BEST3: variants seen among roughly 807,000 people sequenced by gnomAD.
BEST3 encodes the protein bestrophin 3.
BEST3 carries 50 observed loss-of-function variants against 47.1 expected under a neutral mutation model. That is an observed-to-expected ratio of 1.06 (90% confidence interval 0.85 to 1.34). The LOEUF is 1.34. Among genes scored for constraint, BEST3 ranks in the 40% most tolerant of loss-of-function variants. The pLI, the probability that BEST3 is intolerant of heterozygous loss-of-function variation, is 0.00. For synonymous variants in BEST3, 282 were observed against 298.8 expected (o/e 0.94, Z 0.58); for missense variants, 765 against 817.0 (o/e 0.94, Z 0.78).
intron 4 of BEST3, among the ~76,000 whole-genome samples, chr12:69,686,519 A>G (rs903153960): frequency 1.3e-5 from 2 of 152,182 alleles, no homozygotes; most frequent in African/African-American, 4.8e-5. Context: ...TCACGCCTGT[A>G]ATCCCAGTAA....
intron 4 of BEST3, among the ~76,000 whole-genome samples, chr12:69,692,509 C>T (rs569595070): frequency 3.3e-5 from 5 of 152,334 alleles, no homozygotes; most frequent in African/African-American, 9.6e-5. Flanking sequence ...TGTCACCTCT[C>T]AGTGTCTGCC....
chr12:69,676,960 T>C lies in BEST3; in HGVS notation c.823A>G (p.Ile275Val), dbSNP rs1884961201. The change falls in exon 7 of 10, where the codon ATC becomes GTC. Residue 275 changes from isoleucine (I) to valine (V), a missense_variant. Physicochemically the swap from Ile to Val is conservative, Grantham distance 29. Coordinates refer to ENST00000330891, the MANE Select transcript of BEST3 (RefSeq NM_032735.3). ...AGHDLDLYIP[I>V]FTLLQFFFYA... is the part of the protein sequence containing the mutation. ...AAGAAGAATTGTAGGAGGGTGAAGA[T>C]GGGAATGTAAAGATCCAAGTCATGC... is the stretch of plus-strand genomic sequence containing the variant. The C allele has an allele frequency of 2.5e-6, 4 of 1,614,042 alleles. No individual in the cohort carries two copies. Among genetic ancestry groups the C allele is most frequent in the Middle Eastern group, 1.7e-4 (1 of 6,052 alleles).
chr12:69,679,874 A>G (rs1355725534), intron 4 of BEST3, among the ~76,000 whole-genome samples: 1 of 150,280 alleles, frequency 6.7e-6, no homozygotes, highest in Non-Finnish European at 1.5e-5. Flanking sequence ...CCCCAAAAAA[A>G]GGGTTTCTTG....
Position 69,654,476 on chromosome 12 carries a change from C to T in BEST3, c.*431G>A, listed in dbSNP as rs1169804080. ...AGGCATTAGGTGATCCATCTCCTTT[C>T]TTTATGGCTAAAGAAAAAAAGAAAG... is the stretch of plus-strand genomic sequence containing the variant. On this transcript the variant is annotated 3_prime_UTR_variant, in exon 10 of 10. Transcript: ENST00000330891. 2 of 987,976 alleles carry T rather than the reference C, an allele frequency of 2.0e-6. No homozygotes were observed. The highest frequency in any genetic ancestry group is 2.4e-6 in the Non-Finnish European group (2 of 831,782). The allele number at this position is 987,976 out of a possible 1,614,324, so 61.2% of individuals were successfully genotyped here. A position where few individuals can be genotyped will look rare whatever the true frequency, so the allele number is the denominator to read the frequency against.
Position 69,699,060 on chromosome 12 carries a change from C to T in BEST3, c.-16+145G>A, listed in dbSNP as rs371810946. 8.6e-5 allele frequency: 31 copies of T among 360,670 alleles called. No individual in the cohort carries two copies. In the East Asian group the frequency reaches 1.8e-3, roughly 21 times the overall value. 22.3% of individuals were successfully genotyped at this position (360,670 alleles called of 1,614,324 possible). ...TTCATAATTTGTTCTCATGGACTCC[C>T]GGTAGTTTTAAATAACAGTCCTTAA... On this transcript the variant is annotated intron_variant, in intron 1 of 9. Coordinates refer to ENST00000330891, the MANE Select transcript of BEST3 (RefSeq NM_032735.3).
At chr12:69,663,700 A>G (rs952445674) in intron 9 of BEST3, among the ~76,000 whole-genome samples, 1 of 152,138 alleles carries the variant, frequency 6.6e-6, no homozygotes, top group Non-Finnish European at 1.5e-5. Flanking sequence ...ATGCACTTGT[A>G]GTCCCAGCTA....
At position 69,697,509 on chromosome 12, in the gene BEST3, A is replaced by C. The variant is rs1014473513; in HGVS notation, c.152+138T>G. ...GTGGATTAAAATCTGTCCTGAGGGGAAGAAGACAAATGAGAGGCTCACGCA... is the reference window on the plus strand; with the variant it reads ...GTGGATTAAAATCTGTCCTGAGGGGCAGAAGACAAATGAGAGGCTCACGCA... On this transcript the variant is annotated intron_variant, in intron 2 of 9. Coordinates refer to ENST00000330891, the MANE Select transcript of BEST3 (RefSeq NM_032735.3). 9.8e-6 allele frequency: 6 copies of C among 614,156 alleles called. No homozygotes were observed. In the Admixed American group the frequency reaches 1.0e-4, roughly 11 times the overall value. 38.0% of individuals were successfully genotyped at this position (614,156 alleles called of 1,614,324 possible).
chr12:69,676,517 A>T (rs1407954755), intron 7 of BEST3, among the ~76,000 whole-genome samples: 1 of 152,088 alleles, frequency 6.6e-6, no homozygotes, highest in Non-Finnish European at 1.5e-5. Context: ...CAGAACCAAG[A>T]TTCTACTACA....
chr12:69,697,630 C>A lies in BEST3; in HGVS notation c.152+17G>T. On this transcript the variant is annotated intron_variant, in intron 2 of 9. Transcript: ENST00000330891. ...AATATCTGATGGCCATTTAAGGAGACATGTAAAGAAAAGTACCTGTATACC... is the reference window on the plus strand; with the variant it reads ...AATATCTGATGGCCATTTAAGGAGAAATGTAAAGAAAAGTACCTGTATACC... 6.5e-7 allele frequency: 1 copy of A among 1,531,314 alleles called. No homozygotes were observed. Among genetic ancestry groups the A allele is most frequent in the Non-Finnish European group, 8.8e-7 (1 of 1,136,894 alleles). The allele number at this position is 1,531,314 out of a possible 1,614,324, so 94.9% of individuals were successfully genotyped here.
chr12:69,656,220 T>C (rs1400243747), intron 9 of BEST3, among the ~76,000 whole-genome samples: 1 of 152,160 alleles, frequency 6.6e-6, no homozygotes, highest in African/African-American at 2.4e-5. Context: ...GCAAATAACA[T>C]GTTGTGCTAT....
chr12:69,685,079 G>A (rs895357125), intron 4 of BEST3, among the ~76,000 whole-genome samples: 12 of 149,560 alleles, frequency 8.0e-5, no homozygotes, highest in African/African-American at 2.4e-4. Context: ...GTTACAACCC[G>A]TTAACCTGAT....
intron 7 of BEST3, among the ~76,000 whole-genome samples, chr12:69,674,930 T>C (rs1884811570): frequency 7.0e-6 from 1 of 143,056 alleles, no homozygotes; most frequent in Admixed American, 7.1e-5. Context: ...AGAGTTTCGC[T>C]CTTGTTGCCC....
chr12:69,673,456 T>C (rs1236040949), intron 7 of BEST3, among the ~76,000 whole-genome samples: 4 of 152,184 alleles, frequency 2.6e-5, no homozygotes, highest in Admixed American at 2.6e-4. Flanking sequence ...TTTATTTTTT[T>C]AGACAGTGTC....
At chr12:69,667,024 A>G (rs1884264736) in intron 9 of BEST3, among the ~76,000 whole-genome samples, 2 of 152,138 alleles carry the variant, frequency 1.3e-5, no homozygotes, top group South Asian at 4.1e-4. Context: ...GCCAGCTGCC[A>G]GGCTAATCTC....
At chr12:69,683,649 A>G (rs1885386089) in intron 4 of BEST3, 1 of 152,246 alleles carries the variant, frequency 6.6e-6, no homozygotes, top group Non-Finnish European at 1.5e-5. Context: ...GACTGAACCA[A>G]TGTTTATCTT....
At chr12:69,694,657 T>C (rs1490641506) in intron 2 of BEST3, among the ~76,000 whole-genome samples, 193 bp from the exon 3 acceptor site, 1 of 152,222 alleles carries the variant, frequency 6.6e-6, no homozygotes, top group African/African-American at 2.4e-5. Context: ...TGCTAACATT[T>C]TGTAAACATG....
Position 69,699,257 on chromosome 12 carries a change from G to A in BEST3, c.-68C>T, listed in dbSNP as rs1026642260. 5.1e-6 allele frequency: 5 copies of A among 985,264 alleles called. No homozygotes were observed. Among genetic ancestry groups the A allele is most frequent in the Admixed American group, 1.2e-4 (2 of 16,264 alleles). The allele number at this position is 985,264 out of a possible 1,614,324, so 61.0% of individuals were successfully genotyped here. ...AGGAAAGAGAATCTTCAAATTTCGG[G>A]CTCCCCCGAAGAGGTGCCTTCAGGT... is the stretch of plus-strand genomic sequence containing the variant. On this transcript the variant is annotated 5_prime_UTR_variant, in exon 1 of 10. Transcript: ENST00000330891.
At chr12:69,655,842 A>C in intron 9 of BEST3, 29 bp from the exon 10 acceptor site, 2 of 1,567,674 alleles carry the variant, frequency 1.3e-6, no homozygotes, top group Non-Finnish European at 1.7e-6. Flanking sequence ...AGATCCAGGC[A>C]GAGTAGCTTC....
chr12:69,691,397 G>A (rs1189684689), intron 4 of BEST3, among the ~76,000 whole-genome samples: 1 of 152,196 alleles, frequency 6.6e-6, no homozygotes, highest in Non-Finnish European at 1.5e-5. Flanking sequence ...GTGAGATAAA[G>A]TTTCAAACCC....
Sources: allele counts gnomAD v4.1 joint callset (sites outside exome capture counted in the v4.1 genomes callset), GRCh38; gene constraint gnomAD v4.1.1; transcripts MANE v1.5; gene names NCBI Gene and HGNC (gene_info 2026-07-23, HGNC 2026-07-21).